Variants in TBL1XR1 observed in about 807,000 individuals in gnomAD.
TBL1XR1 encodes TBL1X/Y related 1.
TBL1XR1 carries 5 observed loss-of-function variants against 66.9 expected under a neutral mutation model. The ratio of observed to expected loss-of-function variants is 0.07; its 90% CI spans 0.04 to 0.16. The LOEUF (loss-of-function observed/expected upper bound fraction) is 0.16. Among genes scored for constraint, TBL1XR1 ranks in the 10% least tolerant of loss-of-function variants. TBL1XR1 has a pLI of 1.00. For synonymous variants in TBL1XR1, 210 were observed against 206.0 expected, an observed-to-expected ratio of 1.02 and a Z score of -0.17; for missense variants, 238 against 623.2, an observed-to-expected ratio of 0.38 and a Z score of 6.58.
chr3:177,054,099 CAT>C (rs1717498932), intron 3 of TBL1XR1, among the ~76,000 whole-genome samples, 181 bp from the exon 4 acceptor site: 1 of 151,556 alleles, frequency 6.6e-6, no homozygotes, highest in Non-Finnish European at 1.5e-5. Flanking sequence ...TGCATGTAAA[CAT>C]GTCAGCCTTT....
intron 1 of TBL1XR1, among the ~76,000 whole-genome samples, chr3:177,152,667 G>C (rs763750391): frequency 2.0e-5 from 3 of 152,040 alleles, no homozygotes; most frequent in Non-Finnish European, 4.4e-5. Context: ...GTTGGTCCTA[G>C]GTTCTATATA....
intron 1 of TBL1XR1, among the ~76,000 whole-genome samples, chr3:177,155,314 G>A (rs1018175460): frequency 6.6e-6 from 1 of 152,078 alleles, no homozygotes; most frequent in Non-Finnish European, 1.5e-5. Context: ...TCACTAAACT[G>A]ATCAAGATTT....
chr3:177,097,875 T>C (rs931155045), intron 2 of TBL1XR1, among the ~76,000 whole-genome samples: 1 of 152,122 alleles, frequency 6.6e-6, no homozygotes, highest in African/African-American at 2.4e-5. Context: ...TTTTTCATCC[T>C]GATGACCGTA....
Position 177,197,405 on chromosome 3 carries a change from C to G in TBL1XR1, c.-406G>C, listed in dbSNP as rs1737007601. On this transcript the variant is annotated 5_prime_UTR_variant, in exon 1 of 16. Transcript: ENST00000457928. ...GCCGGCGGCGGGGGGAGGCGGCGCG[C>G]GGGGGAAGGGCGCGAGCGGGGAGAG... 7.9e-6 allele frequency: 1 copy of G among 126,054 alleles called. No homozygotes were observed. The highest frequency in any genetic ancestry group is 2.5e-4 in the South Asian group (1 of 3,992). 7.8% of individuals were successfully genotyped at this position (126,054 alleles called of 1,614,324 possible).
At chr3:177,050,697 C>T (rs1716946071) in intron 5 of TBL1XR1, 87 bp from the exon 6 acceptor site, 1 of 1,443,040 alleles carries the variant, frequency 6.9e-7, no homozygotes, top group African/African-American at 1.4e-5. Context: ...CAAATACCTT[C>T]CTTTATCGCA....
At chr3:177,134,519 G>C (rs1223283773) in intron 1 of TBL1XR1, among the ~76,000 whole-genome samples, 3 of 152,308 alleles carry the variant, frequency 2.0e-5, no homozygotes, top group Non-Finnish European at 4.4e-5. Context: ...AAGCCAGAAA[G>C]TGAAAACAAT....
At chr3:177,182,049 C>A (rs1734891343) in intron 1 of TBL1XR1, among the ~76,000 whole-genome samples, 1 of 152,140 alleles carries the variant, frequency 6.6e-6, no homozygotes, top group African/African-American at 2.4e-5. Flanking sequence ...ATGACAAAAA[C>A]CAAAGAGCAG....
At chr3:177,119,977 T>C (rs999147648) in intron 1 of TBL1XR1, among the ~76,000 whole-genome samples, 6 of 152,186 alleles carry the variant, frequency 3.9e-5, no homozygotes, top group South Asian at 2.1e-4. Context: ...CTAAAAATAC[T>C]GCGTAAGGTG....
At chr3:177,089,236 A>G (rs1159732322) in intron 2 of TBL1XR1, among the ~76,000 whole-genome samples, 3 of 152,202 alleles carry the variant, frequency 2.0e-5, no homozygotes, top group African/African-American at 7.2e-5. Context: ...TCAATGCAGA[A>G]GAGGCCAGCA....
intron 1 of TBL1XR1, among the ~76,000 whole-genome samples, chr3:177,109,773 G>A (rs1416068819): frequency 6.6e-6 from 1 of 152,022 alleles, no homozygotes; most frequent in Non-Finnish European, 1.5e-5. Flanking sequence ...AGAAGTTGGG[G>A]GGAAGAGAGG....
chr3:177,043,935 C>T (rs1030814752), intron 10 of TBL1XR1, among the ~76,000 whole-genome samples: 3 of 152,068 alleles, frequency 2.0e-5, no homozygotes, highest in African/African-American at 7.2e-5. Flanking sequence ...GCTAAATAAT[C>T]TTATTTTCTG....
chr3:177,032,445 T>C (rs1714136294), intron 14 of TBL1XR1: 1 of 152,174 alleles, frequency 6.6e-6, no homozygotes, highest in Non-Finnish European at 1.5e-5. Flanking sequence ...ATTAAAAAAG[T>C]ATAGTACATA....
intron 1 of TBL1XR1, among the ~76,000 whole-genome samples, chr3:177,186,442 C>A (rs901050829): frequency 9.9e-5 from 15 of 152,080 alleles, no homozygotes. Context: ...ATTCTCATTA[C>A]CTTATTTCAG....
chr3:177,158,229 CTTTT>C (rs869191638), intron 1 of TBL1XR1, among the ~76,000 whole-genome samples: 1 of 40,660 alleles, frequency 2.5e-5, no homozygotes, highest in African/African-American at 5.8e-5. Flanking sequence ...TGTTTCTTTT[CTTTT>C]TTTTTTTTTT....
chr3:177,039,911 G>C lies in TBL1XR1; in HGVS notation c.926-1477C>G, dbSNP rs570953301. Among the ~76,000 whole-genome samples the C allele has an allele frequency of 8.5e-5, 13 of 152,284 alleles. No homozygotes were observed. The South Asian group carries it at 2.5e-3, about 29-fold the overall frequency. Reference sequence around the variant, plus strand: ...ACCTATGGCTGCTTTTTCACTACAAGGGCAGAGCTGATTAGTGGCAACTGA... The same window carrying C: ...ACCTATGGCTGCTTTTTCACTACAACGGCAGAGCTGATTAGTGGCAACTGA... On this transcript the variant is annotated intron_variant, in intron 10 of 15. Transcript: ENST00000457928.
At chr3:177,101,182 A>G (rs1436282193) in intron 1 of TBL1XR1, among the ~76,000 whole-genome samples, 1 of 151,708 alleles carries the variant, frequency 6.6e-6, no homozygotes, top group Non-Finnish European at 1.5e-5. Context: ...TTTTTTTCAG[A>G]CATTTGTTAA....
At chr3:177,178,943 C>T (rs1293169792) in intron 1 of TBL1XR1, among the ~76,000 whole-genome samples, 1 of 151,896 alleles carries the variant, frequency 6.6e-6, no homozygotes, top group Non-Finnish European at 1.5e-5. Flanking sequence ...CACGGTGAAA[C>T]CCCGTTCTAC....
intron 2 of TBL1XR1, among the ~76,000 whole-genome samples, chr3:177,092,487 A>C (rs1438243800): frequency 6.6e-6 from 1 of 152,214 alleles, no homozygotes; most frequent in Non-Finnish European, 1.5e-5. Flanking sequence ...AACCAAACAT[A>C]ATGTATAAGT....
chr3:177,065,789 A>G (rs1346625275), intron 2 of TBL1XR1, among the ~76,000 whole-genome samples: 1 of 152,256 alleles, frequency 6.6e-6, no homozygotes, highest in Non-Finnish European at 1.5e-5. Flanking sequence ...ACAGCCTGTT[A>G]CAATTACTCA....
Sources: allele counts gnomAD v4.1 joint callset (sites outside exome capture counted in the v4.1 genomes callset), GRCh38; gene constraint gnomAD v4.1.1; transcripts MANE v1.5; gene names NCBI Gene and HGNC (gene_info 2026-07-23, HGNC 2026-07-21).